Variants in MYO18A observed in about 807,000 individuals in gnomAD.
The protein encoded by MYO18A is myosin XVIIIA.
MYO18A carries 78 observed loss-of-function variants against 235.8 expected under a neutral mutation model. The ratio of observed to expected loss-of-function variants is 0.33; its 90% CI spans 0.28 to 0.40. The LOEUF is 0.40. Ranked by LOEUF, MYO18A falls within the 10% of genes least tolerant of loss-of-function variation. The probability of loss-of-function intolerance (pLI) is 1.00; values close to 1 mark genes in which losing one functional copy is unlikely to be tolerated. For synonymous variants in MYO18A, 977 were observed against 1,077.8 expected (o/e 0.91, Z 1.83); for missense variants, 2,215 against 2,699.3 (o/e 0.82, Z 3.98).
intron 19 of MYO18A, among the ~76,000 whole-genome samples, chr17:29,108,300 G>C (rs987378878): frequency 3.3e-5 from 5 of 152,148 alleles, no homozygotes; most frequent in Admixed American, 3.3e-4. Context: ...CTGGGCTTCA[G>C]GTCAGGGGAG....
intron 41 of MYO18A, among the ~76,000 whole-genome samples, chr17:29,079,301 C>T (rs2066058926): frequency 6.6e-6 from 1 of 152,142 alleles, no homozygotes; most frequent in South Asian, 2.1e-4. Flanking sequence ...TTGGGCAGAC[C>T]CCATTCAGAC....
chr17:29,114,073 C>A lies in MYO18A; in HGVS notation c.2536G>T (p.Asp846Tyr), dbSNP rs369370726. Residue 846 changes from aspartate to tyrosine, a missense_variant, in exon 15 of 42, where the codon GAC becomes TAC. Transcript: ENST00000527372. The part of the protein sequence containing the change: ...KEENIELAFD[D>Y]LEPPTDDSVA... The stretch of plus-strand genomic sequence containing the variant: ...GAGTCATCCGTCGGGGGTTCCAAGT[C>A]GTCAAACGCCAGCTCGATGTTCTCC... 2.7e-5 allele frequency: 44 copies of A among 1,600,914 alleles called. No individual in the cohort carries two copies. Among genetic ancestry groups the A allele is most frequent in the Non-Finnish European group, 3.3e-5 (39 of 1,174,170 alleles).
chr17:29,132,425 C>T (rs958166169), intron 2 of MYO18A, among the ~76,000 whole-genome samples: 3 of 152,186 alleles, frequency 2.0e-5, no homozygotes, highest in Non-Finnish European at 2.9e-5. Flanking sequence ...CTCTTTCCCG[C>T]GTCACCTAGG....
chr17:29,137,112 T>G (rs771448934), intron 2 of MYO18A: 1 of 152,192 alleles, frequency 6.6e-6, no homozygotes, highest in African/African-American at 2.4e-5. Flanking sequence ...GAAGGTGAAT[T>G]GCCGAGAGCG....
At chr17:29,130,007 T>C (rs1442081065) in intron 2 of MYO18A, among the ~76,000 whole-genome samples, 1 of 152,140 alleles carries the variant, frequency 6.6e-6, no homozygotes, top group Non-Finnish European at 1.5e-5. Context: ...ATTAAGATGA[T>C]GACGATGGGC....
intron 1 of MYO18A, among the ~76,000 whole-genome samples, chr17:29,168,340 T>G (rs9911766): frequency 0.075 from 11,365 of 152,152 alleles, 563 homozygotes; most frequent in South Asian, 0.16. Context: ...CCCAACCCCC[T>G]GCACATCTAA....
chr17:29,115,165 G>T (rs776010129), intron 13 of MYO18A, 66 bp from the exon 14 acceptor site: 5 of 1,519,370 alleles, frequency 3.3e-6, no homozygotes, highest in South Asian at 1.3e-5. Context: ...GCCCCACCCT[G>T]CCCAAGCCAG....
At chr17:29,157,006 A>C (rs2068078385) in intron 2 of MYO18A, among the ~76,000 whole-genome samples, 1 of 152,236 alleles carries the variant, frequency 6.6e-6, no homozygotes, top group Non-Finnish European at 1.5e-5. Flanking sequence ...GGCCCTGAGC[A>C]ACACGGCGAG....
At position 29,120,798 on chromosome 17, in the gene MYO18A, G is replaced by C; in HGVS notation, c.1586-40C>G. ...CCCAAGGGGATATCAGGAAAGCCAG[G>C]GGCAGCTTATCCCCCAGCTAGGAGC... On this transcript the variant is annotated intron_variant, in intron 6 of 41. Transcript: ENST00000527372. The surrounding 1 kb of genome is among the most constrained non-coding windows in gnomAD (Gnocchi z 4.2). 1 of 1,596,954 alleles carries C rather than the reference G, an allele frequency of 6.3e-7. No individual in the cohort carries two copies.
At position 29,178,654 on chromosome 17, in the gene MYO18A, A is replaced by C. The variant is rs2068585637; in HGVS notation, c.-82+1659T>G. Among the ~76,000 whole-genome samples the C allele has an allele frequency of 5.9e-5, 9 of 152,164 alleles. No individual in the cohort carries two copies. The South Asian group carries it at 1.9e-3, about 31-fold the overall frequency. ...AGGAGGTGGGAAGCCATGGACAAAG[A>C]GCCAGTGAGGCTTGTCAGGAAGCCA... On this transcript the variant is annotated intron_variant, in intron 1 of 41. Transcript: ENST00000527372.
rs1361404667 is a variant in MYO18A at position 29,125,055 on chromosome 17, TCTAC to T, written c.1000-2806_1000-2803del. ...TGAATCAGGCTCCCTCTTCTGTGTG[TCTAC>T]CAGGTCAGGCCACCTCACCACACCC... is the stretch of plus-strand genomic sequence containing the variant. On this transcript the variant is annotated intron_variant, in intron 2 of 41. Transcript: ENST00000527372. This position sits in a 1 kb window ranked among gnomAD's most constrained non-coding sequence, Gnocchi z 5.1. Among the ~76,000 whole-genome samples the T allele has an allele frequency of 6.6e-6, 1 of 152,194 alleles. No individual in the cohort carries two copies. Among genetic ancestry groups the T allele is most frequent in the East Asian group, 1.9e-4 (1 of 5,198 alleles).
intron 2 of MYO18A, among the ~76,000 whole-genome samples, chr17:29,136,784 A>G (rs1181366261): frequency 6.6e-6 from 1 of 152,208 alleles, no homozygotes; most frequent in African/African-American, 2.4e-5. Context: ...CAGCTTTGGT[A>G]GCCAAATCTG....
chr17:29,092,638 G>A (rs939343878), intron 33 of MYO18A, among the ~76,000 whole-genome samples, 182 bp from the exon 34 acceptor site: 1 of 152,138 alleles, frequency 6.6e-6, no homozygotes, highest in Non-Finnish European at 1.5e-5. Flanking sequence ...ATGGCTGGTG[G>A]GCACCAGGCC....
In MYO18A at chr17:29,161,309, C is replaced by T. The variant is rs145218117; in HGVS notation, c.999+4633G>A. Reference sequence around the variant, plus strand: ...GACGGAAGTTGCAGTGAGCTGAGATCGCGCCACTGCATTCCAGCCTGGGTG... The same window carrying T: ...GACGGAAGTTGCAGTGAGCTGAGATTGCGCCACTGCATTCCAGCCTGGGTG... On this transcript the variant is annotated intron_variant, in intron 2 of 41. Transcript: ENST00000527372. Among the ~76,000 whole-genome samples the T allele has an allele frequency of 3.7e-3, 553 of 147,870 alleles. 6 individuals are homozygous for T. The highest frequency in any genetic ancestry group is 0.016 in the East Asian group (81 of 4,956).
rs989819466 is a variant in MYO18A, at chr17:29,086,882, A to G, written c.5712+54T>C. ...CCAGGCCAGAGTGAGGCATACACTCAGCAGCTACTCAAGGGGCTGCCATGT... is the reference window on the plus strand; with the variant it reads ...CCAGGCCAGAGTGAGGCATACACTCGGCAGCTACTCAAGGGGCTGCCATGT... On this transcript the variant is annotated intron_variant, in intron 38 of 41. Coordinates refer to ENST00000527372, the MANE Select transcript of MYO18A (RefSeq NM_078471.4). The G allele has an allele frequency of 1.7e-5, 27 of 1,544,770 alleles. No individual in the cohort carries two copies. The African/African-American group carries it at 3.4e-4, about 19-fold the overall frequency.
In MYO18A at chr17:29,109,180, C is replaced by T. The variant is rs2066867625; in HGVS notation, c.3331+678G>A. 6.6e-6 allele frequency among the ~76,000 whole-genome samples: 1 copy of T among 151,970 alleles called. No homozygotes were observed. Among genetic ancestry groups the T allele is most frequent in the Admixed American group, 6.6e-5 (1 of 15,260 alleles). On this transcript the variant is annotated intron_variant, in intron 19 of 41. Transcript: ENST00000527372. This position sits in a 1 kb window ranked among gnomAD's most constrained non-coding sequence, Gnocchi z 4.1. ...ACAAAAAAAAAACAAAAAAAACCCA[C>T]CCTACTTGAGAGACATGAGACATGA...
At chr17:29,173,640 G>A (rs188609477) in intron 1 of MYO18A, among the ~76,000 whole-genome samples, 48 of 148,118 alleles carry the variant, frequency 3.2e-4, no homozygotes, top group Non-Finnish European at 5.7e-4. Context: ...GCCCGCCTCG[G>A]CTCCCAAAGT....
chr17:29,106,819 C>T lies in MYO18A; in HGVS notation c.3441+261G>A, dbSNP rs1005900718. Among the ~76,000 whole-genome samples the T allele has an allele frequency of 5.9e-5, 9 of 152,302 alleles. No individual in the cohort carries two copies. The highest frequency in any genetic ancestry group is 1.2e-4 in the Non-Finnish European group (8 of 68,036). Reference sequence around the variant, plus strand: ...TAATAATTCTCATGCACCCTCAGTGCGCCCAGGCCCTGCTCGCTCCTGGAT... The same window carrying T: ...TAATAATTCTCATGCACCCTCAGTGTGCCCAGGCCCTGCTCGCTCCTGGAT... On this transcript the variant is annotated intron_variant, in intron 20 of 41. Transcript: ENST00000527372. This position sits in a 1 kb window ranked among gnomAD's most constrained non-coding sequence, Gnocchi z 4.6.
chr17:29,091,004 G>C (rs1282004145), intron 34 of MYO18A, 78 bp from the exon 35 acceptor site: 3 of 1,154,888 alleles, frequency 2.6e-6, no homozygotes, highest in Non-Finnish European at 3.8e-6. Flanking sequence ...AATGGCAGGG[G>C]CATTGTAGAG....
Sources: gnomAD v4.1 joint callset for allele counts (sites outside exome capture counted in the v4.1 genomes callset) on GRCh38, gnomAD v4.1.1 for gene constraint, Gnocchi (gnomAD v3.1) non-coding constraint, MANE v1.5 for transcripts, NCBI Gene and HGNC (gene_info 2026-07-23, HGNC 2026-07-21) for gene names.